The following THSD4 variants were observed in gnomAD, a reference collection of about 807,000 sequenced individuals.
The protein encoded by THSD4 is thrombospondin type-1 domain-containing protein 4.
Under a neutral mutation model 119.0 loss-of-function variants are expected in THSD4, and 69 were observed. The ratio of observed to expected loss-of-function variants is 0.58; its 90% CI spans 0.48 to 0.71. THSD4 has a LOEUF of 0.71. Among genes scored for constraint, THSD4 ranks in the 30% least tolerant of loss-of-function variants. The pLI is 0.00. For synonymous variants in THSD4, 524 were observed against 540.4 expected, an observed-to-expected ratio of 0.97 and a Z score of 0.42; for missense variants, 1,393 against 1,391.1, an observed-to-expected ratio of 1.00 and a Z score of -0.02.
rs960119627 is a variant in THSD4 at position 71,642,714 on chromosome 15, A to C, written c.1153-17816A>C. Among the ~76,000 whole-genome samples, 240 of 148,938 alleles carry C rather than the reference A, an allele frequency of 1.6e-3. 1 individual carries two copies. The highest frequency in any genetic ancestry group is 5.8e-3 in the African/African-American group (233 of 40,432). Reference sequence around the variant, plus strand: ...CTATCGCAAGAACAAAAAACCAAACACCGCATGTTCTCACTCATAGGTGGG... The same window carrying C: ...CTATCGCAAGAACAAAAAACCAAACCCCGCATGTTCTCACTCATAGGTGGG... On this transcript the variant is annotated intron_variant, in intron 7 of 17. Coordinates refer to ENST00000261862, the MANE Select transcript of THSD4 (RefSeq NM_024817.3).
intron 6 of THSD4, among the ~76,000 whole-genome samples, chr15:71,311,715 T>C (rs2045113556): frequency 1.3e-5 from 2 of 152,206 alleles, no homozygotes; most frequent in Admixed American, 1.3e-4. Flanking sequence ...TTCACCTGGG[T>C]AAATGGCACC....
intron 1 of THSD4, among the ~76,000 whole-genome samples, chr15:71,140,509 C>T (rs1383472425): frequency 6.6e-6 from 1 of 152,148 alleles, no homozygotes; most frequent in African/African-American, 2.4e-5. Flanking sequence ...GACCCCACCT[C>T]CAATACTGGG....
intron 2 of THSD4, among the ~76,000 whole-genome samples, chr15:71,153,944 T>A (rs1345203488): frequency 3.3e-5 from 5 of 152,188 alleles, no homozygotes; most frequent in Non-Finnish European, 7.3e-5. Flanking sequence ...TCCAATCACA[T>A]TCAGCGGGAC....
intron 7 of THSD4, among the ~76,000 whole-genome samples, chr15:71,491,880 AAAAG>A (rs1198384168): frequency 3.3e-5 from 5 of 152,164 alleles, no homozygotes; most frequent in African/African-American, 1.2e-4. Flanking sequence ...AAAAAGAAAA[AAAAG>A]AAAAGAAATA....
Position 71,290,536 on chromosome 15 carries a change from AC to A in THSD4, c.1015+33822del, listed in dbSNP as rs539308460. ...ACTGTTGTTTACAATGACATTCAAC[AC>A]TTGTAAAAGTTATTTGCTGCCAAGA... On this transcript the variant is annotated intron_variant, in intron 6 of 17. Transcript: ENST00000261862. Among the ~76,000 whole-genome samples the A allele has an allele frequency of 6.4e-3, 974 of 152,300 alleles. 8 individuals are homozygous for A. Among genetic ancestry groups the A allele is most frequent in the African/African-American group, 0.023 (938 of 41,560 alleles).
rs2054021358 is a variant in THSD4, at chr15:71,783,037, G to T, written c.*5663G>T. 6.6e-6 allele frequency: 1 copy of T among 152,292 alleles called. No individual in the cohort carries two copies. The highest frequency in any genetic ancestry group is 2.4e-5 in the African/African-American group (1 of 41,438). The allele number at this position is 152,292 out of a possible 1,614,324, so 9.4% of individuals were successfully genotyped here. On this transcript the variant is annotated 3_prime_UTR_variant, in exon 18 of 18. Coordinates refer to ENST00000261862, the MANE Select transcript of THSD4 (RefSeq NM_024817.3). ...CACTTCCACTGTCCCTGCTGGGGAT[G>T]CTGGGGCCAAGGCCTGTGGGGCCTG...
chr15:71,409,074 G>T (rs190363147), intron 6 of THSD4, among the ~76,000 whole-genome samples: 38 of 152,084 alleles, frequency 2.5e-4, no homozygotes, highest in African/African-American at 9.2e-4. Flanking sequence ...GGAGCCCAGA[G>T]TTAAGGCCAT....
At chr15:71,721,712 A>G (rs1320435318) in intron 8 of THSD4, among the ~76,000 whole-genome samples, 1 of 151,510 alleles carries the variant, frequency 6.6e-6, no homozygotes, top group African/African-American at 2.4e-5. Context: ...GGATTAAAGT[A>G]TATGATAATC....
intron 1 of THSD4, among the ~76,000 whole-genome samples, chr15:71,102,162 T>G (rs931243478): frequency 4.1e-4 from 63 of 152,228 alleles, no homozygotes; most frequent in African/African-American, 1.5e-3. Context: ...GATATTTTCT[T>G]TATTTTAATA....
rs562148124 is a variant in THSD4, at chr15:71,200,487, A to G, written c.100-14548A>G. ...GGATTCTCAAAGGAAAGAGAATCTGAGAATAGTAGCAAATGGGAAACAAAG... is the reference window on the plus strand; with the variant it reads ...GGATTCTCAAAGGAAAGAGAATCTGGGAATAGTAGCAAATGGGAAACAAAG... On this transcript the variant is annotated intron_variant, in intron 3 of 17. Transcript: ENST00000261862. Among the ~76,000 whole-genome samples the G allele has an allele frequency of 3.6e-4, 55 of 152,246 alleles. 1 individual carries two copies. In the South Asian group the frequency reaches 0.011, roughly 30 times the overall value.
intron 6 of THSD4, chr15:71,348,064 G>T (rs757018220): frequency 6.6e-6 from 1 of 152,184 alleles, no homozygotes; most frequent in Non-Finnish European, 1.5e-5. Flanking sequence ...AGACTATTTT[G>T]TAAAATCTTG....
chr15:71,739,187 G>A (rs1390506434), intron 11 of THSD4, among the ~76,000 whole-genome samples: 1 of 151,774 alleles, frequency 6.6e-6, no homozygotes, highest in Non-Finnish European at 1.5e-5. Context: ...TACTATCCCG[G>A]TAAAATCCCA....
chr15:71,466,275 G>A (rs1360096944), intron 7 of THSD4, among the ~76,000 whole-genome samples: 1 of 151,582 alleles, frequency 6.6e-6, no homozygotes. Context: ...AACCCAGGAG[G>A]CAGAGCTTGC....
At chr15:71,309,739 G>A (rs1459258392) in intron 6 of THSD4, among the ~76,000 whole-genome samples, 7 of 152,150 alleles carry the variant, frequency 4.6e-5, no homozygotes, top group East Asian at 1.9e-4. Flanking sequence ...TTGAAGAGAC[G>A]ATTTTTCCAC....
rs999329906 is a variant in THSD4 at position 71,242,940 on chromosome 15, C to T, written c.756C>T (p.Gly252=). ...IYQLPLTHDQ[G]YPAASSLFHS... is the part of the protein sequence containing the mutation. Reference sequence around the variant, plus strand: ...AGCTACCTTTGACCCATGATCAAGGCTACCCTGCAGCTTCAAGTCTCTTTC... The same window carrying T: ...AGCTACCTTTGACCCATGATCAAGGTTACCCTGCAGCTTCAAGTCTCTTTC... Residue 252 remains glycine, a synonymous_variant, in exon 5 of 18, where the codon GGC becomes GGT. Transcript: ENST00000261862. The T allele has an allele frequency of 1.9e-6, 3 of 1,614,104 alleles. No homozygotes were observed. Among genetic ancestry groups the T allele is most frequent in the Admixed American group, 3.3e-5 (2 of 60,010 alleles).
chr15:71,597,534 A>G (rs1177942750), intron 7 of THSD4, among the ~76,000 whole-genome samples: 2 of 152,214 alleles, frequency 1.3e-5, no homozygotes, highest in African/African-American at 4.8e-5. Context: ...GGTCATTTTA[A>G]GGATCATTAG....
At chr15:71,505,831 A>G (rs2048178065) in intron 7 of THSD4, among the ~76,000 whole-genome samples, 1 of 152,228 alleles carries the variant, frequency 6.6e-6, no homozygotes, top group African/African-American at 2.4e-5. Flanking sequence ...GGCTTAATGA[A>G]GTCTAAGAAT....
intron 15 of THSD4, among the ~76,000 whole-genome samples, chr15:71,758,449 C>A (rs533419410): frequency 1.3e-5 from 2 of 152,300 alleles, no homozygotes; most frequent in South Asian, 4.1e-4. Flanking sequence ...CAGTGCCTGA[C>A]ACAAAATAAA....
chr15:71,438,127 T>TCCTCGC (rs1350740020), intron 7 of THSD4, among the ~76,000 whole-genome samples: 4 of 152,170 alleles, frequency 2.6e-5, no homozygotes, highest in Non-Finnish European at 5.9e-5. Flanking sequence ...TGCAGTGCCC[T>TCCTCGC]CCTCGCCCTC....
Sources: allele counts gnomAD v4.1 joint callset (sites outside exome capture counted in the v4.1 genomes callset), GRCh38; gene constraint gnomAD v4.1.1; transcripts MANE v1.5; gene names NCBI Gene and HGNC (gene_info 2026-07-23, HGNC 2026-07-21).